The following ESRRG variants were observed in gnomAD, a reference collection of about 807,000 sequenced individuals.
The protein encoded by ESRRG is estrogen related receptor gamma.
In ESRRG, 13 loss-of-function variants were observed where a neutral mutation model predicts 44.0. The observed-to-expected ratio is 0.30, with a 90% CI of 0.19 to 0.47. The LOEUF is 0.47. Ranked by LOEUF, ESRRG falls within the 20% of genes least tolerant of loss-of-function variation. The probability of loss-of-function intolerance (pLI) is 1.00; values close to 1 mark genes in which losing one functional copy is unlikely to be tolerated. For missense variants in ESRRG, 395 were observed against 580.6 expected (o/e 0.68, Z 3.29); for synonymous variants, 215 against 214.6 (o/e 1.00, Z -0.02).
chr1:216,634,486 C>T (rs1223729910), intron 3 of ESRRG, among the ~76,000 whole-genome samples: 3 of 152,020 alleles, frequency 2.0e-5, no homozygotes, highest in African/African-American at 7.3e-5. Flanking sequence ...ATTCAGAATG[C>T]CTCCAGACTT....
chr1:216,961,739 T>A (rs529075775), intron 1 of ESRRG, among the ~76,000 whole-genome samples: 8 of 152,292 alleles, frequency 5.3e-5, no homozygotes, highest in African/African-American at 1.9e-4. Flanking sequence ...ACATATATCA[T>A]GTTCTCAATT....
intron 3 of ESRRG, among the ~76,000 whole-genome samples, chr1:216,630,581 A>C (rs1188324898): frequency 4.6e-5 from 7 of 152,100 alleles, no homozygotes; most frequent in Admixed American, 4.6e-4. Flanking sequence ...TGATAATGGA[A>C]ACCCTCCCGA....
At chr1:216,561,235 G>A (rs757834046) in intron 5 of ESRRG, among the ~76,000 whole-genome samples, 1 of 152,022 alleles carries the variant, frequency 6.6e-6, no homozygotes, top group African/African-American at 2.4e-5. Flanking sequence ...ATTCGAAGCA[G>A]CACAGAAAAA....
At chr1:217,033,356 C>G (rs919396669) in intron 1 of ESRRG, among the ~76,000 whole-genome samples, 3 of 152,178 alleles carry the variant, frequency 2.0e-5, no homozygotes, top group Admixed American at 6.6e-5. Flanking sequence ...CCTGTGAGTT[C>G]ATACAGTAGA....
chr1:217,097,927 A>G (rs1161978918), intron 1 of ESRRG, among the ~76,000 whole-genome samples: 2 of 151,962 alleles, frequency 1.3e-5, no homozygotes, highest in Non-Finnish European at 2.9e-5. Flanking sequence ...ATCACTTGGA[A>G]AGCTTTTTAA....
At chr1:216,977,201 A>C (rs1390266923) in intron 1 of ESRRG, among the ~76,000 whole-genome samples, 1 of 152,030 alleles carries the variant, frequency 6.6e-6, no homozygotes, top group African/African-American at 2.4e-5. Flanking sequence ...ACTGTCCTCT[A>C]GACTCGCACA....
chr1:216,703,304 T>TA (rs201517053), intron 1 of ESRRG, among the ~76,000 whole-genome samples: 156 of 151,686 alleles, frequency 1.0e-3, no homozygotes, highest in African/African-American at 3.5e-3. Flanking sequence ...TGATGATCTT[T>TA]AAAAAAAAAT....
At chr1:216,953,169 C>T (rs1163188345) in intron 1 of ESRRG, among the ~76,000 whole-genome samples, 2 of 152,018 alleles carry the variant, frequency 1.3e-5, no homozygotes, top group South Asian at 4.1e-4. Flanking sequence ...ATTCAGCACA[C>T]GTAATAATTA....
intron 1 of ESRRG, among the ~76,000 whole-genome samples, chr1:216,963,420 C>T (rs754981947): frequency 6.6e-6 from 1 of 152,012 alleles, no homozygotes; most frequent in Non-Finnish European, 1.5e-5. Flanking sequence ...TAATTGGGCT[C>T]AAAGTTAATA....
intron 2 of ESRRG, among the ~76,000 whole-genome samples, chr1:216,672,177 C>T (rs2075323403): frequency 1.3e-5 from 2 of 152,180 alleles, no homozygotes; most frequent in Admixed American, 6.6e-5. Flanking sequence ...TAGAAAATGA[C>T]GTGAAATCAC....
At chr1:216,826,701 A>G (rs1014669894) in intron 2 of ESRRG, among the ~76,000 whole-genome samples, 4 of 152,178 alleles carry the variant, frequency 2.6e-5, no homozygotes, top group Non-Finnish European at 5.9e-5. Flanking sequence ...TCTGAGTCCA[A>G]AAGTCTTTGT....
chr1:216,906,955 A>G (rs2059747528), intron 2 of ESRRG, among the ~76,000 whole-genome samples: 1 of 152,208 alleles, frequency 6.6e-6, no homozygotes, highest in Non-Finnish European at 1.5e-5. Flanking sequence ...TATATTGATA[A>G]CTGTCTGCAC....
intron 2 of ESRRG, among the ~76,000 whole-genome samples, chr1:216,797,601 A>T (rs572922477): frequency 1.2e-4 from 19 of 152,262 alleles, no homozygotes; most frequent in African/African-American, 4.6e-4. Flanking sequence ...GATGACCTTG[A>T]TAGTTCTGGT....
At chr1:216,766,582 TA>T (rs34228926) in intron 2 of ESRRG, among the ~76,000 whole-genome samples, 88 of 146,904 alleles carry the variant, frequency 6.0e-4, no homozygotes, top group African/African-American at 6.9e-4. Flanking sequence ...GTTTCAGTGC[TA>T]AAAAAAAAAA....
chr1:216,925,929 A>C (rs6683415), intron 2 of ESRRG, among the ~76,000 whole-genome samples: 9,839 of 152,084 alleles, frequency 0.065, 428 homozygotes, highest in Non-Finnish European at 0.091. Context: ...CAGCCTGGGC[A>C]ACAGAGCTAG....
intron 2 of ESRRG, among the ~76,000 whole-genome samples, chr1:216,865,582 G>A (rs1375203553): frequency 2.0e-5 from 3 of 152,050 alleles, no homozygotes; most frequent in Admixed American, 6.6e-5. Context: ...GTTAAAAGAG[G>A]GAAAAGGAGT....
At chr1:216,876,965 T>C (rs2096364765) in intron 2 of ESRRG, among the ~76,000 whole-genome samples, 1 of 143,960 alleles carries the variant, frequency 6.9e-6, no homozygotes. Flanking sequence ...GATTCGAGAA[T>C]CTCTTCACTA....
chr1:216,931,819 G>GA (rs200050489), intron 2 of ESRRG, among the ~76,000 whole-genome samples: 11,072 of 108,710 alleles, frequency 0.1, 524 homozygotes, highest in Non-Finnish European at 0.12. Context: ...AATCAAGACA[G>GA]AAAAATGAGA....
intron 2 of ESRRG, among the ~76,000 whole-genome samples, chr1:216,786,329 T>G (rs992538905): frequency 6.6e-6 from 1 of 152,104 alleles, no homozygotes; most frequent in Non-Finnish European, 1.5e-5. Flanking sequence ...CTAAATATAA[T>G]GGAATATGAT....
Sources: gnomAD v4.1 joint callset for allele counts (sites outside exome capture counted in the v4.1 genomes callset) on GRCh38, gnomAD v4.1.1 for gene constraint, MANE v1.5 for transcripts, NCBI Gene and HGNC (gene_info 2026-07-23, HGNC 2026-07-21) for gene names.